KPNA7: variants seen among roughly 807,000 people sequenced by gnomAD.
KPNA7 encodes the protein importin subunit alpha-8.
Under a neutral mutation model 53.7 loss-of-function variants are expected in KPNA7, and 54 were observed. The observed-to-expected ratio is 1.01, with a 90% CI of 0.81 to 1.26. The LOEUF is 1.26. KPNA7 is among the 50% of genes most tolerant of loss of function. The pLI is 0.00. For missense variants in KPNA7, 640 were observed against 644.5 expected, an observed-to-expected ratio of 0.99 and a Z score of 0.07; for synonymous variants, 276 against 259.3, an observed-to-expected ratio of 1.06 and a Z score of -0.62.
Position 99,203,127 on chromosome 7 carries a change from T to A in KPNA7, c.180A>T (p.Glu60Asp), listed in dbSNP as rs375418501. ...TGACCGCCACCCCTTTGGCTGTTTT[T>A]TCAGAAGGTGTGTCAGGGCAGAAGC... ...ITSFCPDTPS[E>D]KTAKGVAVSL... is the part of the protein sequence containing the mutation. Residue 60 changes from glutamate (E) to aspartate (D), a missense_variant, in exon 3 of 11, where the codon GAA becomes GAT. Physicochemically the swap from Glu to Asp is conservative, Grantham distance 45. Transcript: ENST00000327442. 9.4e-5 allele frequency: 146 copies of A among 1,551,558 alleles called. No homozygotes were observed. The highest frequency in any genetic ancestry group is 1.1e-4 in the Non-Finnish European group (129 of 1,146,990).
At chr7:99,167,680 C>T in the KPNA7 span, among the ~76,000 whole-genome samples, 121 of 129,034 alleles carry the variant, frequency 9.4e-4, no homozygotes, top group African/African-American at 3.8e-3. Context: ...AGGGTTTCAC[C>T]ATGTTGGCCA....
chr7:99,212,546 G>T (rs1341633769), upstream of KPNA7, among the ~76,000 whole-genome samples: 1 of 151,874 alleles, frequency 6.6e-6, no homozygotes, highest in Non-Finnish European at 1.5e-5. Flanking sequence ...GAGCCACCAT[G>T]CATGGCTTAC....
At chr7:99,163,274 T>C in the KPNA7 span, among the ~76,000 whole-genome samples, 1 of 149,098 alleles carries the variant, frequency 6.7e-6, no homozygotes, top group African/African-American at 2.5e-5. Context: ...TTCAATATGT[T>C]TTTTCAATTA....
At chr7:99,207,372 A>G (rs12705042) in intron 2 of KPNA7, 29 bp downstream of exon 2, 98,041 of 1,544,700 alleles carry the variant, frequency 0.063, 3,613 homozygotes, top group South Asian at 0.13. Context: ...CTGGTCCCCA[A>G]TAGAAGCAGG....
chr7:99,192,566 C>T (rs1434053099), intron 6 of KPNA7, among the ~76,000 whole-genome samples: 2 of 152,126 alleles, frequency 1.3e-5, no homozygotes, highest in East Asian at 3.8e-4. Context: ...GTGTACGCTA[C>T]CATGCTCAGC....
intron 9 of KPNA7, among the ~76,000 whole-genome samples, chr7:99,180,527 C>CTCTG (rs1554461520): frequency 1.0e-5 from 1 of 99,886 alleles, no homozygotes; most frequent in African/African-American, 3.4e-5. Flanking sequence ...GTGTCTCTAT[C>CTCTG]TCTCTGTCTC....
At chr7:99,181,385 G>A (rs115628662) in intron 9 of KPNA7, among the ~76,000 whole-genome samples, 3,506 of 152,224 alleles carry the variant, frequency 0.023, 138 homozygotes, top group African/African-American at 0.081. Flanking sequence ...ATTACAGCAG[G>A]GACTTTGCAT....
chr7:99,158,566 C>T, the KPNA7 span, among the ~76,000 whole-genome samples: 7 of 152,040 alleles, frequency 4.6e-5, no homozygotes, highest in South Asian at 2.1e-4. Flanking sequence ...TGCAGTGGCA[C>T]GATCTCGGCT....
chr7:99,156,822 G>A, the KPNA7 span, among the ~76,000 whole-genome samples: 1 of 151,952 alleles, frequency 6.6e-6, no homozygotes, highest in Admixed American at 6.6e-5. Flanking sequence ...AACATGCCTG[G>A]CCTCAATTCT....
intron 2 of KPNA7, among the ~76,000 whole-genome samples, chr7:99,206,090 C>A (rs949589641): frequency 1.3e-5 from 2 of 152,180 alleles, no homozygotes; most frequent in African/African-American, 4.8e-5. Context: ...GCCTCATTGA[C>A]GTGAGCAGCT....
At chr7:99,161,617 G>A in the KPNA7 span, among the ~76,000 whole-genome samples, 5 of 152,170 alleles carry the variant, frequency 3.3e-5, no homozygotes, top group African/African-American at 1.2e-4. Context: ...ACTAATTCAT[G>A]AGGCTTTGAA....
intron 3 of KPNA7, among the ~76,000 whole-genome samples, chr7:99,199,682 C>A (rs1321385999): frequency 6.6e-6 from 1 of 152,008 alleles, no homozygotes; most frequent in African/African-American, 2.4e-5. Context: ...TTAGATTAGG[C>A]AATGAATTTT....
chr7:99,182,010 C>A lies in KPNA7; in HGVS notation c.1190G>T (p.Gly397Val), dbSNP rs920542163. Residue 397 changes from glycine (G) to valine (V), a missense_variant, in exon 9 of 11, where the codon GGG becomes GTG. Transcript: ENST00000327442. ...AVWMVANFAT[G>V]ATMDQLIQLV... is the part of the protein sequence containing the mutation. ...CTGGATCAGCTGATCCATGGTGGCC[C>A]CTGTTGCAAAGTTCGCCACCATCCA... 2.6e-6 allele frequency: 4 copies of A among 1,549,232 alleles called. No homozygotes were observed. The highest frequency in any genetic ancestry group is 2.0e-5 in the Admixed American group (1 of 50,906).
At chr7:99,199,723 AG>A (rs1790414791) in intron 3 of KPNA7, among the ~76,000 whole-genome samples, 1 of 152,224 alleles carries the variant, frequency 6.6e-6, no homozygotes, top group African/African-American at 2.4e-5. Flanking sequence ...CAAACAACCA[AG>A]AAAATAAACT....
chr7:99,192,228 T>C (rs1457751999), intron 6 of KPNA7, among the ~76,000 whole-genome samples: 1 of 152,138 alleles, frequency 6.6e-6, no homozygotes. Flanking sequence ...AGTGTTCCAA[T>C]AATGGAACAC....
upstream of KPNA7, among the ~76,000 whole-genome samples, chr7:99,212,095 T>G (rs1791086329): frequency 6.6e-6 from 1 of 151,996 alleles, no homozygotes; most frequent in African/African-American, 2.4e-5. Flanking sequence ...TCAATACAAC[T>G]TCAAGCTCGA....
intron 7 of KPNA7, among the ~76,000 whole-genome samples, chr7:99,186,787 C>G (rs1004491772): frequency 1.3e-5 from 2 of 152,004 alleles, no homozygotes; most frequent in Non-Finnish European, 2.9e-5. Flanking sequence ...TTATCTCATA[C>G]TCTCCATGCC....
chr7:99,187,414 C>T (rs1789653035), intron 7 of KPNA7, among the ~76,000 whole-genome samples: 1 of 151,598 alleles, frequency 6.6e-6, no homozygotes, highest in African/African-American at 2.4e-5. Context: ...TTTTTTAATC[C>T]CCAGTCTCAC....
chr7:99,154,134 C>CT, the KPNA7 span, among the ~76,000 whole-genome samples: 3,670 of 141,420 alleles, frequency 0.026, 72 homozygotes, highest in African/African-American at 0.052. Context: ...AGCTCACACA[C>CT]TTTTTTTTTT....
Sources: gnomAD v4.1 joint callset for allele counts (sites outside exome capture counted in the v4.1 genomes callset) on GRCh38, gnomAD v4.1.1 for gene constraint, MANE v1.5 for transcripts, NCBI Gene and HGNC (gene_info 2026-07-23, HGNC 2026-07-21) for gene names.